Variants in SNRPB2 observed in about 807,000 individuals in gnomAD.
The protein encoded by SNRPB2 is U2 small nuclear ribonucleoprotein B''.
Under a neutral mutation model 26.3 loss-of-function variants are expected in SNRPB2, and 16 were observed. That is an observed-to-expected ratio of 0.61 (90% CI 0.41 to 0.92). The LOEUF (loss-of-function observed/expected upper bound fraction) is 0.92, where lower values mean the gene tolerates loss of function less well. Among genes scored for constraint, SNRPB2 ranks in the 40% least tolerant of loss-of-function variants. The pLI is 0.00. For missense variants in SNRPB2, 179 were observed against 268.1 expected (o/e 0.67, Z 2.32); for synonymous variants, 75 against 89.0 (o/e 0.84, Z 0.88).
At chr20:16,740,798 A>T in intron 6 of SNRPB2, 48 bp from the exon 7 acceptor site, 1 of 1,419,800 alleles carries the variant, frequency 7.0e-7, no homozygotes, top group South Asian at 1.2e-5. Context: ...ACACAAAGCA[A>T]ACATTTATGT....
rs549416429 is a variant in SNRPB2 at position 16,730,039 on chromosome 20, C to T, written c.-161C>T. Reference sequence around the variant, plus strand: ...CTGGCTCCGTTTCCTGCTTTTGGTTCTTACAGTAGTCGGCGTAGGCCTTAG... The same window carrying T: ...CTGGCTCCGTTTCCTGCTTTTGGTTTTTACAGTAGTCGGCGTAGGCCTTAG... On this transcript the variant is annotated 5_prime_UTR_variant, in exon 1 of 7. Transcript: ENST00000246071. 2 of 152,440 alleles carry T rather than the reference C, an allele frequency of 1.3e-5. No homozygotes were observed. The highest frequency in any genetic ancestry group is 2.1e-4 in the South Asian group (1 of 4,834). 9.4% of individuals were successfully genotyped at this position (152,440 alleles called of 1,614,324 possible).
chr20:16,737,440 T>A, intron 4 of SNRPB2, 39 bp downstream of exon 4: 1 of 1,545,644 alleles, frequency 6.5e-7, no homozygotes, highest in Non-Finnish European at 8.7e-7. Flanking sequence ...GTATTGGTGT[T>A]AAAAACTTGA....
At chr20:16,732,474 G>C (rs1485322121) in intron 3 of SNRPB2, 138 bp downstream of exon 3, 6 of 550,998 alleles carry the variant, frequency 1.1e-5, no homozygotes, top group Non-Finnish European at 1.9e-5. Context: ...TATTTTTATA[G>C]AAAAACAGTA....
chr20:16,740,781 A>G, intron 6 of SNRPB2, 65 bp from the exon 7 acceptor site: 1 of 1,292,536 alleles, frequency 7.7e-7, no homozygotes, highest in Non-Finnish European at 1.1e-6. Context: ...TTGCTTAACA[A>G]ATTTTAACAC....
Position 16,742,419 on chromosome 20 carries a change from TGA to T in SNRPB2, c.*1416_*1417del, listed in dbSNP as rs1468741227. Reference sequence around the variant, plus strand: ...CAGGGTGGCTCACCTGGGGTGAGAATGAGGGGGGTGAATAGTAAGAGGGGTCG... The same window carrying T: ...CAGGGTGGCTCACCTGGGGTGAGAATGGGGGGTGAATAGTAAGAGGGGTCG... On this transcript the variant is annotated 3_prime_UTR_variant, in exon 7 of 7. Transcript: ENST00000246071. The T allele has an allele frequency of 2.6e-5, 4 of 152,060 alleles. No homozygotes were observed. The highest frequency in any genetic ancestry group is 3.2e-3 in the Middle Eastern group (1 of 316). 9.4% of individuals were successfully genotyped at this position (152,060 alleles called of 1,614,324 possible).
intron 4 of SNRPB2, 134 bp downstream of exon 4, chr20:16,737,535 A>G: frequency 1.4e-6 from 1 of 697,032 alleles, no homozygotes; most frequent in South Asian, 3.9e-5. Flanking sequence ...GGTTTTAAGA[A>G]GCTAGAATGG....
chr20:16,740,542 A>G, intron 6 of SNRPB2, 129 bp downstream of exon 6: 1 of 1,442,224 alleles, frequency 6.9e-7, no homozygotes, highest in East Asian at 2.4e-5. Flanking sequence ...TTTGGGATGA[A>G]TCATGAATTG....
At chr20:16,739,024 A>C (rs1427589131) in intron 5 of SNRPB2, 122 bp downstream of exon 5, 2 of 673,106 alleles carry the variant, frequency 3.0e-6, no homozygotes, top group Non-Finnish European at 5.3e-6. Context: ...ACAGTGCGTT[A>C]AATTGTCTGC....
intron 5 of SNRPB2, among the ~76,000 whole-genome samples, chr20:16,739,205 A>G (rs2072447721): frequency 6.6e-6 from 1 of 152,226 alleles, no homozygotes; most frequent in Admixed American, 6.5e-5. Flanking sequence ...CCTCTACAGT[A>G]CCTAAAGCTT....
intron 5 of SNRPB2, 127 bp downstream of exon 5, chr20:16,739,029 G>A (rs552362143): frequency 5.0e-4 from 330 of 654,454 alleles, no homozygotes; most frequent in Non-Finnish European, 5.7e-4. Flanking sequence ...GCGTTAAATT[G>A]TCTGCCACTG....
chr20:16,741,042 T>C lies in SNRPB2; in HGVS notation c.*37T>C, dbSNP rs1253820686. On this transcript the variant is annotated 3_prime_UTR_variant, in exon 7 of 7. Coordinates refer to ENST00000246071, the MANE Select transcript of SNRPB2 (RefSeq NM_003092.5). ...GTCGTCTTTAAAAGACTTGGTGTTA[T>C]TTACAGTGTTTGTTTTGATAACATT... The C allele has an allele frequency of 2.2e-5, 32 of 1,474,032 alleles. No homozygotes were observed. The highest frequency in any genetic ancestry group is 3.0e-5 in the Non-Finnish European group (32 of 1,073,504). The allele number at this position is 1,474,032 out of a possible 1,614,324, so 91.3% of individuals were successfully genotyped here.
chr20:16,738,954 C>A, intron 5 of SNRPB2, 52 bp downstream of exon 5: 1 of 1,180,410 alleles, frequency 8.5e-7, no homozygotes. Flanking sequence ...GTAAAAATTA[C>A]AGCAGTGGTA....
At chr20:16,736,479 A>G (rs1264042446) in intron 3 of SNRPB2, among the ~76,000 whole-genome samples, 2 of 152,218 alleles carry the variant, frequency 1.3e-5, no homozygotes, top group African/African-American at 4.8e-5. Flanking sequence ...TATGATGTTT[A>G]GAATTCTAAA....
At chr20:16,734,177 T>G (rs1240234791) in intron 3 of SNRPB2, among the ~76,000 whole-genome samples, 3 of 152,186 alleles carry the variant, frequency 2.0e-5, no homozygotes, top group Non-Finnish European at 4.4e-5. Context: ...CAACTAATTA[T>G]TTTTTAAAAT....
chr20:16,735,072 A>G (rs549329108), intron 3 of SNRPB2, among the ~76,000 whole-genome samples: 3 of 152,308 alleles, frequency 2.0e-5, no homozygotes, highest in East Asian at 3.9e-4. Flanking sequence ...CCAGCCAGAA[A>G]GAGCCTGGGA....
At chr20:16,733,944 CATA>C (rs2122499930) in intron 3 of SNRPB2, among the ~76,000 whole-genome samples, 1 of 152,252 alleles carries the variant, frequency 6.6e-6, no homozygotes, top group Non-Finnish European at 1.5e-5. Flanking sequence ...GGCGGTCTCT[CATA>C]GTAGTATAAA....
At chr20:16,731,539 A>G (rs2072390841) in intron 1 of SNRPB2, 129 bp from the exon 2 acceptor site, 3 of 888,208 alleles carry the variant, frequency 3.4e-6, no homozygotes, top group Admixed American at 6.1e-5. Context: ...CTGGAGATAC[A>G]ATAAAGGCTA....
At chr20:16,732,133 C>A (rs756093848) in intron 2 of SNRPB2, 31 bp from the exon 3 acceptor site, 2 of 1,399,268 alleles carry the variant, frequency 1.4e-6, no homozygotes, top group Admixed American at 2.2e-5. Context: ...ACTTTATTAC[C>A]AATAACTTGT....
chr20:16,734,155 G>T (rs924514135), intron 3 of SNRPB2, among the ~76,000 whole-genome samples: 1 of 152,192 alleles, frequency 6.6e-6, no homozygotes, highest in African/African-American at 2.4e-5. Context: ...TTGGGCACCA[G>T]CCTCACCTTG....
Sources: allele counts gnomAD v4.1 joint callset (sites outside exome capture counted in the v4.1 genomes callset), GRCh38; gene constraint gnomAD v4.1.1; transcripts MANE v1.5; gene names NCBI Gene and HGNC (gene_info 2026-07-23, HGNC 2026-07-21).